ZMYM4: variants seen among roughly 807,000 people sequenced by gnomAD.
ZMYM4 encodes the protein zinc finger MYM-type containing 4.
In ZMYM4, 31 loss-of-function variants were observed where a neutral mutation model predicts 183.2. The observed-to-expected ratio is 0.17, with a 90% CI of 0.13 to 0.23. ZMYM4 has a LOEUF of 0.23. Ranked by LOEUF, ZMYM4 falls within the 10% of genes least tolerant of loss-of-function variation. ZMYM4 has a pLI of 1.00. For missense variants in ZMYM4, 1,273 were observed against 1,840.3 expected (o/e 0.69, Z 5.64); for synonymous variants, 592 against 631.2 (o/e 0.94, Z 0.93).
chr1:35,275,274 C>G (rs1259378858), intron 1 of ZMYM4, among the ~76,000 whole-genome samples: 2 of 151,850 alleles, frequency 1.3e-5, no homozygotes, highest in African/African-American at 4.8e-5. Context: ...CAGAGTCTTG[C>G]TCTGTCGCCT....
Position 35,325,254 on chromosome 1 carries a change from T to C in ZMYM4, c.40-106T>C, listed in dbSNP as rs1379255548. 6 of 1,041,528 alleles carry C rather than the reference T, an allele frequency of 5.8e-6. No homozygotes were observed. In the Admixed American group the frequency reaches 1.7e-4, roughly 30 times the overall value. 64.5% of individuals were successfully genotyped at this position (1,041,528 alleles called of 1,614,324 possible). A position where few individuals can be genotyped will look rare whatever the true frequency, so the allele number is the denominator to read the frequency against. On this transcript the variant is annotated intron_variant, in intron 1 of 29. Transcript: ENST00000314607. ...TTTTGTTTATATTGTGCACTTGTCA[T>C]TTGGGTTGAAAATTACAGCTCCTTG...
At chr1:35,351,537 A>G (rs1643608013) in intron 2 of ZMYM4, 2 of 1,215,760 alleles carry the variant, frequency 1.6e-6, no homozygotes, top group East Asian at 2.3e-5. Flanking sequence ...TCCCTTGCTC[A>G]GAAGAAAGAT....
intron 2 of ZMYM4, among the ~76,000 whole-genome samples, chr1:35,349,974 A>G (rs1341176058): frequency 6.6e-6 from 1 of 150,732 alleles, no homozygotes; most frequent in East Asian, 1.9e-4. Context: ...TTATATATAT[A>G]TATTTTAAAG....
intron 5 of ZMYM4, chr1:35,366,150 C>CGAT: frequency 6.6e-6 from 1 of 152,186 alleles, no homozygotes. Flanking sequence ...CATGATTAGT[C>CGAT]GATGTTAGAA....
chr1:35,340,556 T>C (rs755462131), intron 2 of ZMYM4, among the ~76,000 whole-genome samples: 6 of 151,870 alleles, frequency 4.0e-5, no homozygotes, highest in Non-Finnish European at 8.8e-5. Flanking sequence ...AAGTGACAGA[T>C]CATCAGACAT....
At chr1:35,390,235 C>A in intron 15 of ZMYM4, 137 bp downstream of exon 15, 1 of 1,011,132 alleles carries the variant, frequency 9.9e-7, no homozygotes. Context: ...GTATCAATAA[C>A]ATTTAGCTTT....
intron 1 of ZMYM4, among the ~76,000 whole-genome samples, chr1:35,291,471 G>C (rs1640757950): frequency 6.6e-6 from 1 of 151,776 alleles, no homozygotes; most frequent in South Asian, 2.1e-4. Context: ...TATGCTTTTT[G>C]TGTCATATCT....
At chr1:35,400,513 A>C (rs1192910237) in intron 23 of ZMYM4, among the ~76,000 whole-genome samples, 2 of 152,016 alleles carry the variant, frequency 1.3e-5, no homozygotes, top group Non-Finnish European at 2.9e-5. Flanking sequence ...CCAGTTCCCT[A>C]TTTTTATAGT....
intron 5 of ZMYM4, among the ~76,000 whole-genome samples, chr1:35,367,717 CTGTAA>C (rs1644119848): frequency 1.3e-5 from 2 of 152,090 alleles, no homozygotes; most frequent in African/African-American, 4.8e-5. Context: ...TGGCTTATGC[CTGTAA>C]TCCCAGCACT....
At chr1:35,383,289 G>A (rs1350314254) in intron 9 of ZMYM4, among the ~76,000 whole-genome samples, 3 of 151,874 alleles carry the variant, frequency 2.0e-5, no homozygotes, top group East Asian at 3.9e-4. Flanking sequence ...TATTTATGGG[G>A]TAAGTACTTT....
intron 5 of ZMYM4, among the ~76,000 whole-genome samples, chr1:35,367,998 G>C (rs923720935): frequency 6.6e-6 from 1 of 151,758 alleles, no homozygotes; most frequent in South Asian, 2.1e-4. Flanking sequence ...ACATCAAAAT[G>C]AGTAAATTCC....
chr1:35,359,906 T>TAA (rs77332586), intron 3 of ZMYM4, among the ~76,000 whole-genome samples: 64 of 151,668 alleles, frequency 4.2e-4, no homozygotes, highest in Middle Eastern at 6.8e-3. Flanking sequence ...TTTTTTTTAA[T>TAA]AAAAAAAACC....
Position 35,404,146 on chromosome 1 carries a change from C to T in ZMYM4, c.3529-877C>T, listed in dbSNP as rs957000269. On this transcript the variant is annotated intron_variant, in intron 23 of 29. Coordinates refer to ENST00000314607, the MANE Select transcript of ZMYM4 (RefSeq NM_005095.3). The stretch of plus-strand genomic sequence containing the variant: ...GTGGCGTAATCATGGCTCGCTGCAA[C>T]CTCAACCTCCTGGGCTCAGGTGATC... 2.0e-5 allele frequency among the ~76,000 whole-genome samples: 3 copies of T among 152,170 alleles called. No homozygotes were observed. The East Asian group carries it at 5.8e-4, about 29-fold the overall frequency.
intron 2 of ZMYM4, 54 bp from the exon 3 acceptor site, chr1:35,358,871 A>G (rs1643883193): frequency 7.0e-7 from 1 of 1,435,900 alleles, no homozygotes; most frequent in African/African-American, 1.4e-5. Context: ...TGACCTTATC[A>G]TTGTGGTCAT....
At chr1:35,351,532 T>C (rs1160389501) in intron 2 of ZMYM4, 13 of 1,241,864 alleles carry the variant, frequency 1.0e-5, no homozygotes, top group Non-Finnish European at 1.4e-5. Flanking sequence ...AAATATCCCT[T>C]GCTCAGAAGA....
intron 2 of ZMYM4, among the ~76,000 whole-genome samples, chr1:35,338,980 T>C (rs754907590): frequency 6.6e-6 from 1 of 152,228 alleles, no homozygotes; most frequent in Non-Finnish European, 1.5e-5. Context: ...TTTATCAGTC[T>C]TTTCCTTTAT....
At chr1:35,276,075 C>T (rs1639857472) in intron 1 of ZMYM4, among the ~76,000 whole-genome samples, 1 of 152,134 alleles carries the variant, frequency 6.6e-6, no homozygotes, top group African/African-American at 2.4e-5. Flanking sequence ...TAGAACCCAG[C>T]ACTGTCAGTT....
intron 23 of ZMYM4, among the ~76,000 whole-genome samples, chr1:35,401,250 A>G (rs966518163): frequency 1.3e-5 from 2 of 152,358 alleles, no homozygotes; most frequent in Non-Finnish European, 2.9e-5. Flanking sequence ...CCCACCAGCA[A>G]TGTATGAGAG....
chr1:35,330,517 A>G (rs1000195935), intron 2 of ZMYM4, among the ~76,000 whole-genome samples: 1 of 152,152 alleles, frequency 6.6e-6, no homozygotes, highest in African/African-American at 2.4e-5. Context: ...TGGAAAATCT[A>G]CCTGTGTACT....
Sources: allele counts gnomAD v4.1 joint callset (sites outside exome capture counted in the v4.1 genomes callset), GRCh38; gene constraint gnomAD v4.1.1; transcripts MANE v1.5; gene names NCBI Gene and HGNC (gene_info 2026-07-23, HGNC 2026-07-21).